The following RBM20 variants were observed in gnomAD, a reference collection of about 807,000 sequenced individuals.
RBM20 encodes RNA binding motif protein 20.
Under a neutral mutation model 110.1 loss-of-function variants are expected in RBM20, and 51 were observed. The observed-to-expected ratio is 0.46, with a 90% CI of 0.37 to 0.59. The LOEUF (loss-of-function observed/expected upper bound fraction) is 0.59. Ranked by LOEUF, RBM20 falls within the 20% of genes least tolerant of loss-of-function variation. The pLI, the probability that RBM20 is intolerant of heterozygous loss-of-function variation, is 0.00. For synonymous variants in RBM20, 589 were observed against 618.2 expected (o/e 0.95, Z 0.70); for missense variants, 1,512 against 1,574.9 (o/e 0.96, Z 0.68).
chr10:110,792,247 G>A (rs900280253), intron 5 of RBM20, among the ~76,000 whole-genome samples: 13 of 151,948 alleles, frequency 8.6e-5, no homozygotes, highest in African/African-American at 3.1e-4. Context: ...TTTAGAGTAG[G>A]TTGGTGACAT....
intron 7 of RBM20, among the ~76,000 whole-genome samples, chr10:110,803,719 T>A (rs1017079411): frequency 7.0e-6 from 1 of 142,118 alleles, no homozygotes; most frequent in Admixed American, 7.9e-5. Context: ...TACATAGTAA[T>A]GCATGCTTTA....
chr10:110,729,288 C>G (rs1232977306), intron 1 of RBM20, among the ~76,000 whole-genome samples: 1 of 152,148 alleles, frequency 6.6e-6, no homozygotes, highest in Non-Finnish European at 1.5e-5. Flanking sequence ...ATGTGTTGTT[C>G]CCAAAGCTCT....
At chr10:110,647,988 A>G (rs1861893682) in intron 1 of RBM20, among the ~76,000 whole-genome samples, 1 of 152,234 alleles carries the variant, frequency 6.6e-6, no homozygotes, top group Non-Finnish European at 1.5e-5. Context: ...AAGTGAATGT[A>G]GAGGTGATTT....
intron 1 of RBM20, among the ~76,000 whole-genome samples, chr10:110,679,455 A>G (rs12257542): frequency 9.3e-4 from 141 of 152,268 alleles, no homozygotes; most frequent in African/African-American, 3.1e-3. Flanking sequence ...TAGTGGCCTC[A>G]AGCAATCCTC....
intron 1 of RBM20, among the ~76,000 whole-genome samples, chr10:110,649,810 A>G (rs1861920790): frequency 6.6e-6 from 1 of 152,206 alleles, no homozygotes; most frequent in Non-Finnish European, 1.5e-5. Context: ...TGCAGAAAGG[A>G]GCACACGGCA....
At chr10:110,810,824 CGT>C (rs1023537902) in intron 8 of RBM20, among the ~76,000 whole-genome samples, 6 of 142,042 alleles carry the variant, frequency 4.2e-5, no homozygotes, top group South Asian at 2.4e-4. Flanking sequence ...TGCGTGTGTG[CGT>C]GTGTGTGTGC....
chr10:110,714,195 A>G (rs1447620319), intron 1 of RBM20, among the ~76,000 whole-genome samples: 2 of 152,176 alleles, frequency 1.3e-5, no homozygotes, highest in African/African-American at 4.8e-5. Flanking sequence ...GACCCTCTTA[A>G]GAAAGAAAAG....
At chr10:110,783,242 C>T in intron 2 of RBM20, 124 bp from the exon 3 acceptor site, 1 of 683,900 alleles carries the variant, frequency 1.5e-6, no homozygotes. Flanking sequence ...AGGGATGTGT[C>T]TGCAGGGGTG....
intron 1 of RBM20, among the ~76,000 whole-genome samples, chr10:110,679,150 T>C (rs1369144024): frequency 6.6e-6 from 1 of 152,234 alleles, no homozygotes; most frequent in Non-Finnish European, 1.5e-5. Context: ...GAAGGCTGTA[T>C]AAAGTGATTA....
chr10:110,693,887 C>T (rs1862624531), intron 1 of RBM20, among the ~76,000 whole-genome samples: 1 of 152,154 alleles, frequency 6.6e-6, no homozygotes, highest in Non-Finnish European at 1.5e-5. Context: ...TCACAATTAT[C>T]CTCACTCTTG....
At chr10:110,824,339 T>G (rs1309868518) in intron 12 of RBM20, among the ~76,000 whole-genome samples, 1 of 152,192 alleles carries the variant, frequency 6.6e-6, no homozygotes, top group Non-Finnish European at 1.5e-5. Flanking sequence ...CCCAGAACAA[T>G]GCTACATATT....
chr10:110,720,082 G>T (rs1369019317), intron 1 of RBM20, among the ~76,000 whole-genome samples: 1 of 152,136 alleles, frequency 6.6e-6, no homozygotes, highest in African/African-American at 2.4e-5. Context: ...ACTAATCCCA[G>T]TTATGAGGGC....
At chr10:110,761,742 G>A (rs1844006959) in intron 1 of RBM20, among the ~76,000 whole-genome samples, 1 of 152,194 alleles carries the variant, frequency 6.6e-6, no homozygotes, top group Non-Finnish European at 1.5e-5. Flanking sequence ...TATACCACCC[G>A]CTGCAGGACA....
chr10:110,806,688 G>T (rs896868468), intron 7 of RBM20, among the ~76,000 whole-genome samples: 1 of 152,198 alleles, frequency 6.6e-6, no homozygotes, highest in Non-Finnish European at 1.5e-5. Context: ...CTGAAGATGG[G>T]TAATGGATTC....
intron 1 of RBM20, among the ~76,000 whole-genome samples, chr10:110,718,761 G>A (rs1340861427): frequency 2.0e-5 from 3 of 151,448 alleles, no homozygotes; most frequent in Non-Finnish European, 2.9e-5. Flanking sequence ...ACAGGCACCC[G>A]CCACAATGCC....
At chr10:110,730,299 A>C (rs1017803073) in intron 1 of RBM20, among the ~76,000 whole-genome samples, 38 of 152,244 alleles carry the variant, frequency 2.5e-4, no homozygotes, top group African/African-American at 8.4e-4. Context: ...TAGCAATGCC[A>C]AGGCAAAGTT....
At chr10:110,722,968 C>T (rs1008709267) in intron 1 of RBM20, among the ~76,000 whole-genome samples, 7 of 152,158 alleles carry the variant, frequency 4.6e-5, no homozygotes, top group East Asian at 3.9e-4. Flanking sequence ...ATAAATTAGC[C>T]GGGCGTTGTG....
rs779164244 is a variant in RBM20 at position 110,700,663 on chromosome 10, C to A, written c.191+56018C>A. Among the ~76,000 whole-genome samples, 20 of 152,114 alleles carry A rather than the reference C, an allele frequency of 1.3e-4. 1 individual carries two copies. Among genetic ancestry groups the A allele is most frequent in the Admixed American group, 2.0e-4 (3 of 15,276 alleles). Reference sequence around the variant, plus strand: ...CTTCACAGGACAGTGACAGAGGCCCCAGGATTACCTACTTACATGCCAGCA... The same window carrying A: ...CTTCACAGGACAGTGACAGAGGCCCAAGGATTACCTACTTACATGCCAGCA... On this transcript the variant is annotated intron_variant, in intron 1 of 13. Coordinates refer to ENST00000369519, the MANE Select transcript of RBM20 (RefSeq NM_001134363.3).
intron 1 of RBM20, among the ~76,000 whole-genome samples, chr10:110,759,303 A>G (rs763360001): frequency 3.3e-5 from 5 of 152,208 alleles, no homozygotes; most frequent in African/African-American, 9.6e-5. Flanking sequence ...TAGGGGGCTC[A>G]GACCTCATCT....
Sources: allele counts gnomAD v4.1 joint callset (sites outside exome capture counted in the v4.1 genomes callset), GRCh38; gene constraint gnomAD v4.1.1; transcripts MANE v1.5; gene names NCBI Gene and HGNC (gene_info 2026-07-23, HGNC 2026-07-21).